The following CTNNA3 variants were observed in gnomAD, a reference collection of about 807,000 sequenced individuals.
CTNNA3 encodes the protein catenin alpha-3.
CTNNA3 carries 76 observed loss-of-function variants against 95.7 expected under a neutral mutation model. The observed-to-expected ratio is 0.79, with a 90% CI of 0.66 to 0.96. The LOEUF is 0.96. Ranked by LOEUF, CTNNA3 falls within the 40% of genes least tolerant of loss-of-function variation. CTNNA3 has a pLI of 0.00. For synonymous variants in CTNNA3, 431 were observed against 374.4 expected, an observed-to-expected ratio of 1.15 and a Z score of -1.74; for missense variants, 1,191 against 1,089.8, an observed-to-expected ratio of 1.09 and a Z score of -1.31.
At chr10:66,517,960 C>T (rs987194143) in intron 11 of CTNNA3, among the ~76,000 whole-genome samples, 13 of 152,110 alleles carry the variant, frequency 8.5e-5, no homozygotes, top group South Asian at 4.1e-4. Flanking sequence ...TCCTCCTGTA[C>T]GGACAATTCT....
chr10:66,403,442 G>A (rs2093035032), intron 11 of CTNNA3, among the ~76,000 whole-genome samples: 1 of 152,184 alleles, frequency 6.6e-6, no homozygotes, highest in Non-Finnish European at 1.5e-5. Context: ...TGAAGGAGAA[G>A]CAAGCACTTC....
At position 67,116,493 on chromosome 10, in the gene CTNNA3, G is replaced by A. The variant is rs188411750; in HGVS notation, c.1047+63824C>T. ...AAGAATCTTGGCTTCTCTGCCCTTAGTTTTTGTAGAAGGGCCCTTCTCATA... is the reference window on the plus strand; with the variant it reads ...AAGAATCTTGGCTTCTCTGCCCTTAATTTTTGTAGAAGGGCCCTTCTCATA... On this transcript the variant is annotated intron_variant, in intron 7 of 17. Transcript: ENST00000433211. Among the ~76,000 whole-genome samples the A allele has an allele frequency of 5.1e-3, 782 of 151,934 alleles. 6 individuals are homozygous for A. The highest frequency in any genetic ancestry group is 0.018 in the African/African-American group (730 of 41,496).
intron 7 of CTNNA3, among the ~76,000 whole-genome samples, chr10:66,938,355 C>T (rs1407006041): frequency 6.6e-6 from 1 of 151,932 alleles, no homozygotes; most frequent in African/African-American, 2.4e-5. Context: ...TATTGTTGAC[C>T]AGAAGCCTTA....
intron 13 of CTNNA3, among the ~76,000 whole-genome samples, chr10:66,121,467 T>A (rs920304630): frequency 6.1e-4 from 92 of 151,316 alleles, no homozygotes; most frequent in Non-Finnish European, 8.7e-4. Flanking sequence ...ACAACATACA[T>A]ACACACACAC....
chr10:66,013,022 T>C (rs1454277326), intron 15 of CTNNA3, among the ~76,000 whole-genome samples: 1 of 152,144 alleles, frequency 6.6e-6, no homozygotes, highest in Non-Finnish European at 1.5e-5. Context: ...TTCCTCAGCC[T>C]CCCTAGTAGC....
chr10:66,857,338 T>C (rs1437500564), intron 7 of CTNNA3, among the ~76,000 whole-genome samples: 2 of 152,234 alleles, frequency 1.3e-5, no homozygotes, highest in Non-Finnish European at 2.9e-5. Flanking sequence ...GGTAATGTGA[T>C]GCCTCCAGCT....
chr10:67,310,837 T>C (rs943818868), intron 5 of CTNNA3, among the ~76,000 whole-genome samples: 1 of 152,186 alleles, frequency 6.6e-6, no homozygotes, highest in African/African-American at 2.4e-5. Context: ...ATGGGGATTA[T>C]GGAAACTATA....
intron 7 of CTNNA3, among the ~76,000 whole-genome samples, chr10:67,053,800 T>A (rs7904436): frequency 6.6e-6 from 1 of 152,154 alleles, no homozygotes; most frequent in African/African-American, 2.4e-5. Context: ...CATTTTCCCA[T>A]TGAGATTAAT....
intron 17 of CTNNA3, among the ~76,000 whole-genome samples, chr10:65,950,415 T>C (rs565798015): frequency 1.1e-4 from 16 of 152,198 alleles, no homozygotes; most frequent in African/African-American, 3.1e-4. Context: ...TTTTGTCTTC[T>C]CTCCCCTTTT....
intron 12 of CTNNA3, among the ~76,000 whole-genome samples, chr10:66,377,221 C>G (rs1442258281): frequency 1.3e-5 from 2 of 152,028 alleles, no homozygotes; most frequent in East Asian, 3.9e-4. Flanking sequence ...TACCGTTACG[C>G]TAATAATAAG....
intron 5 of CTNNA3, among the ~76,000 whole-genome samples, chr10:67,469,375 AG>A (rs1178002396): frequency 6.6e-6 from 1 of 152,180 alleles, no homozygotes; most frequent in African/African-American, 2.4e-5. Flanking sequence ...TCCTTTTTGA[AG>A]CTGCTTTGTT....
chr10:67,289,990 G>A (rs1044820309), intron 5 of CTNNA3, among the ~76,000 whole-genome samples: 2 of 151,726 alleles, frequency 1.3e-5, no homozygotes, highest in African/African-American at 4.8e-5. Context: ...AACATTTGTA[G>A]AGACAGGGTC....
At chr10:67,549,085 GT>G (rs1041272072) in intron 3 of CTNNA3, among the ~76,000 whole-genome samples, 23 of 151,808 alleles carry the variant, frequency 1.5e-4, no homozygotes, top group Admixed American at 2.0e-4. Flanking sequence ...CTTTGAATAA[GT>G]TTTTTTTATT....
At chr10:66,197,139 G>A (rs558351703) in intron 13 of CTNNA3, among the ~76,000 whole-genome samples, 1 of 152,150 alleles carries the variant, frequency 6.6e-6, no homozygotes, top group South Asian at 2.1e-4. Flanking sequence ...CATTTTCCCA[G>A]TGAGAATAAT....
At chr10:67,010,872 C>T (rs1280800296) in intron 7 of CTNNA3, among the ~76,000 whole-genome samples, 1 of 152,150 alleles carries the variant, frequency 6.6e-6, no homozygotes, top group Non-Finnish European at 1.5e-5. Context: ...TCAAATTATA[C>T]TCCTTTATGG....
At chr10:66,809,610 A>C (rs1841795069) in intron 7 of CTNNA3, among the ~76,000 whole-genome samples, 1 of 152,174 alleles carries the variant, frequency 6.6e-6, no homozygotes, top group Non-Finnish European at 1.5e-5. Flanking sequence ...TAAGTGATTC[A>C]CTAGAAATGC....
intron 7 of CTNNA3, among the ~76,000 whole-genome samples, chr10:67,120,430 T>C (rs1564904579): frequency 6.6e-6 from 1 of 151,966 alleles, no homozygotes; most frequent in Non-Finnish European, 1.5e-5. Context: ...AATAGCAAGT[T>C]GAAGGGAGAA....
rs903034787 is a variant in CTNNA3 at position 67,617,334 on chromosome 10, T to C, written c.100-10285A>G. 3.0e-4 allele frequency among the ~76,000 whole-genome samples: 46 copies of C among 152,326 alleles called. 1 individual carries two copies. The highest frequency in any genetic ancestry group is 3.4e-3 in the Middle Eastern group (1 of 294). ...GTTCTCATCATTTAGCTTCTACTTA[T>C]AAGTGAGCACACAAGTGGTATTTGG... is the stretch of plus-strand genomic sequence containing the variant. On this transcript the variant is annotated intron_variant, in intron 2 of 17. Transcript: ENST00000433211.
At chr10:66,574,071 T>C (rs533050992) in intron 10 of CTNNA3, among the ~76,000 whole-genome samples, 1 of 152,212 alleles carries the variant, frequency 6.6e-6, no homozygotes, top group East Asian at 1.9e-4. Context: ...GGCTGTCATG[T>C]CTGCTTACAA....
Sources: allele counts gnomAD v4.1 joint callset (sites outside exome capture counted in the v4.1 genomes callset), GRCh38; gene constraint gnomAD v4.1.1; transcripts MANE v1.5; gene names NCBI Gene and HGNC (gene_info 2026-07-23, HGNC 2026-07-21).